ANAPC10: variants seen among roughly 807,000 people sequenced by gnomAD.
ANAPC10 encodes anaphase-promoting complex subunit 10.
In ANAPC10, 12 loss-of-function variants were observed where a neutral mutation model predicts 22.0. That is an observed-to-expected ratio of 0.55 (90% CI 0.35 to 0.88). The LOEUF (loss-of-function observed/expected upper bound fraction) is 0.88. Ranked by LOEUF, ANAPC10 falls within the 40% of genes least tolerant of loss-of-function variation. The pLI is 0.01. For missense variants in ANAPC10, 188 were observed against 220.9 expected (o/e 0.85, Z 0.94); for synonymous variants, 65 against 69.5 (o/e 0.94, Z 0.32).
chr4:145,098,254 C>A (rs894506083), upstream of ANAPC10: 2 of 152,328 alleles, frequency 1.3e-5, no homozygotes, highest in African/African-American at 4.8e-5. Flanking sequence ...TTCCGCCTCA[C>A]GCTCTATGTC....
intron 3 of ANAPC10, among the ~76,000 whole-genome samples, chr4:145,075,676 G>T (rs999524676): frequency 2.0e-5 from 3 of 152,158 alleles, no homozygotes; most frequent in Admixed American, 1.3e-4. Context: ...AACTAAATAG[G>T]TGTGGAGTAG....
intron 4 of ANAPC10, among the ~76,000 whole-genome samples, chr4:145,035,756 G>A (rs944454642): frequency 2.6e-5 from 4 of 152,116 alleles, no homozygotes; most frequent in South Asian, 2.1e-4. Context: ...TGGACTTCAC[G>A]CTCATCTGTT....
chr4:145,005,458 C>T (rs981266919), intron 4 of ANAPC10, among the ~76,000 whole-genome samples: 1 of 151,936 alleles, frequency 6.6e-6, no homozygotes, highest in Non-Finnish European at 1.5e-5. Flanking sequence ...TCTCAATTTC[C>T]TTCAGTTCAG....
intron 2 of ANAPC10, among the ~76,000 whole-genome samples, chr4:145,088,077 AT>A (rs1253818079): frequency 6.6e-6 from 1 of 152,068 alleles, no homozygotes; most frequent in Non-Finnish European, 1.5e-5. Flanking sequence ...GAAATGAAGA[AT>A]TAACTAACTT....
chr4:145,071,613 T>C (rs1744502035), intron 3 of ANAPC10, among the ~76,000 whole-genome samples: 3 of 151,786 alleles, frequency 2.0e-5, no homozygotes, highest in Admixed American at 2.0e-4. Context: ...TTTGAGAAAA[T>C]CCAAAAATGT....
chr4:145,003,304 T>C (rs1212656004), intron 4 of ANAPC10, among the ~76,000 whole-genome samples: 1 of 152,192 alleles, frequency 6.6e-6, no homozygotes, highest in Non-Finnish European at 1.5e-5. Context: ...GCTTTTAGGT[T>C]GATTCCATGT....
intron 4 of ANAPC10, among the ~76,000 whole-genome samples, chr4:145,047,678 T>A (rs1290430520): frequency 2.0e-5 from 3 of 152,112 alleles, no homozygotes; most frequent in Non-Finnish European, 4.4e-5. Context: ...TCATTCACAA[T>A]AAGTTTCTTA....
At chr4:145,038,028 T>C (rs546523196) in intron 4 of ANAPC10, among the ~76,000 whole-genome samples, 1 of 149,922 alleles carries the variant, frequency 6.7e-6, no homozygotes, top group South Asian at 2.1e-4. Context: ...CTGATAACAA[T>C]GAAGCCTTTA....
chr4:145,045,229 G>A (rs1740122635), intron 4 of ANAPC10, among the ~76,000 whole-genome samples: 1 of 151,866 alleles, frequency 6.6e-6, no homozygotes, highest in South Asian at 2.1e-4. Context: ...ACCAGGTAAT[G>A]TGAATAAGTA....
At chr4:145,009,172 G>A (rs1264702726) in intron 4 of ANAPC10, among the ~76,000 whole-genome samples, 6 of 152,046 alleles carry the variant, frequency 3.9e-5, no homozygotes, top group Non-Finnish European at 7.4e-5. Flanking sequence ...ACTCCTCAAC[G>A]AAATAAAAGA....
chr4:145,061,786 G>A (rs543087863), intron 4 of ANAPC10, among the ~76,000 whole-genome samples: 14 of 152,222 alleles, frequency 9.2e-5, no homozygotes, highest in Admixed American at 2.6e-4. Flanking sequence ...TATCAGATAT[G>A]TGACTAAAAG....
Position 145,087,468 on chromosome 4 carries a change from T to C in ANAPC10, c.116-5718A>G, listed in dbSNP as rs571236210. 6.6e-4 allele frequency among the ~76,000 whole-genome samples: 101 copies of C among 152,276 alleles called. 1 individual carries two copies. Among genetic ancestry groups the C allele is most frequent in the Non-Finnish European group, 1.1e-3 (75 of 68,012 alleles). On this transcript the variant is annotated intron_variant, in intron 2 of 4. Transcript: ENST00000507656. Reference sequence around the variant, plus strand: ...ACCTCCTTAGGCTCTGCTAGGGGGCTATTTTAACTGAGGCAAATGTCTTAA... The same window carrying C: ...ACCTCCTTAGGCTCTGCTAGGGGGCCATTTTAACTGAGGCAAATGTCTTAA...
At chr4:145,054,604 AGT>A (rs70956823) in intron 4 of ANAPC10, among the ~76,000 whole-genome samples, 9,428 of 128,024 alleles carry the variant, frequency 0.074, 365 homozygotes, top group South Asian at 0.11. Flanking sequence ...CATACTGAAT[AGT>A]GTGTGTGTGT....
At chr4:145,028,504 C>T (rs1446209320) in intron 4 of ANAPC10, among the ~76,000 whole-genome samples, 1 of 152,050 alleles carries the variant, frequency 6.6e-6, no homozygotes, top group African/African-American at 2.4e-5. Flanking sequence ...CTCTTTCCCT[C>T]AAAAAGAACC....
intron 1 of ANAPC10, 129 bp from the exon 2 acceptor site, chr4:145,096,240 T>C: frequency 2.1e-6 from 2 of 959,448 alleles, no homozygotes; most frequent in Non-Finnish European, 3.0e-6. Flanking sequence ...AAGAATGCAG[T>C]TAATATAATT....
In ANAPC10 at chr4:145,022,996, T is replaced by C. The variant is rs1736178351; in HGVS notation, c.328-27393A>G. 2.0e-5 allele frequency among the ~76,000 whole-genome samples: 3 copies of C among 152,100 alleles called. No individual in the cohort carries two copies. The East Asian group carries it at 5.8e-4, about 29-fold the overall frequency. On this transcript the variant is annotated intron_variant, in intron 4 of 4. Transcript: ENST00000507656. Reference sequence around the variant, plus strand: ...CCATTAACTCGTCATTTACATTAGGTATATCTCCTAATGCTAGTTATAACA... The same window carrying C: ...CCATTAACTCGTCATTTACATTAGGCATATCTCCTAATGCTAGTTATAACA...
chr4:145,082,600 C>T (rs1746237783), intron 2 of ANAPC10, among the ~76,000 whole-genome samples: 1 of 152,148 alleles, frequency 6.6e-6, no homozygotes, highest in Admixed American at 6.5e-5. Context: ...AAAAAGATGA[C>T]TTAAAATATT....
chr4:145,095,975 T>C lies in ANAPC10; in HGVS notation c.115+10A>G, dbSNP rs1478260301. On this transcript the variant is annotated intron_variant, in intron 2 of 4. Transcript: ENST00000507656. Reference sequence around the variant, plus strand: ...TATTTCCAACAGCTTTTTTGTTTGTTAGTTTTTACCTGGTTTGCAAGATGA... The same window carrying C: ...TATTTCCAACAGCTTTTTTGTTTGTCAGTTTTTACCTGGTTTGCAAGATGA... The C allele has an allele frequency of 9.3e-6, 15 of 1,613,990 alleles. No individual in the cohort carries two copies. Among genetic ancestry groups the C allele is most frequent in the Non-Finnish European group, 1.2e-5 (14 of 1,179,980 alleles).
chr4:145,048,327 C>T (rs1740627968), intron 4 of ANAPC10, among the ~76,000 whole-genome samples: 1 of 151,956 alleles, frequency 6.6e-6, no homozygotes. Flanking sequence ...AAGAAATATG[C>T]CATAATATGA....
Sources: allele counts gnomAD v4.1 joint callset (sites outside exome capture counted in the v4.1 genomes callset), GRCh38; gene constraint gnomAD v4.1.1; transcripts MANE v1.5; gene names NCBI Gene and HGNC (gene_info 2026-07-23, HGNC 2026-07-21).